Variants in TRAPPC9 observed in about 807,000 individuals in gnomAD.
The protein encoded by TRAPPC9 is IKK2 binding protein.
TRAPPC9 carries 83 observed loss-of-function variants against 124.0 expected under a neutral mutation model. The observed-to-expected ratio is 0.67, with a 90% CI of 0.56 to 0.80. The LOEUF is 0.80. Among genes scored for constraint, TRAPPC9 ranks in the 30% least tolerant of loss-of-function variants. TRAPPC9 has a pLI of 0.00. For missense variants in TRAPPC9, 1,302 were observed against 1,508.3 expected (o/e 0.86, Z 2.27); for synonymous variants, 638 against 617.5 (o/e 1.03, Z -0.49).
At chr8:140,153,131 A>G (rs1183146392) in intron 17 of TRAPPC9, among the ~76,000 whole-genome samples, 1 of 152,110 alleles carries the variant, frequency 6.6e-6, no homozygotes, top group Non-Finnish European at 1.5e-5. Context: ...CTGCAAATCC[A>G]TTCTCCCCAC....
At chr8:140,310,992 G>A (rs2066281515) in intron 10 of TRAPPC9, among the ~76,000 whole-genome samples, 2 of 152,064 alleles carry the variant, frequency 1.3e-5, no homozygotes, top group South Asian at 2.1e-4. Context: ...ACAAAGCAAG[G>A]CTGGGTGCAG....
chr8:140,000,463 A>G (rs1161564976), intron 18 of TRAPPC9, among the ~76,000 whole-genome samples: 1 of 152,254 alleles, frequency 6.6e-6, no homozygotes, highest in Admixed American at 6.5e-5. Flanking sequence ...GAATGGGAGA[A>G]AATTTTTGCA....
chr8:140,405,553 A>C, intron 6 of TRAPPC9, 24 bp downstream of exon 6: 1 of 1,613,846 alleles, frequency 6.2e-7, no homozygotes, highest in Non-Finnish European at 8.5e-7. Flanking sequence ...CTGTGTAAAA[A>C]AAATCACAAA....
chr8:140,027,007 T>C (rs985695332), intron 17 of TRAPPC9, among the ~76,000 whole-genome samples: 14 of 152,216 alleles, frequency 9.2e-5, no homozygotes, highest in African/African-American at 3.4e-4. Flanking sequence ...GTCTCAGACC[T>C]CTTACATTGC....
intron 5 of TRAPPC9, 119 bp downstream of exon 5, chr8:140,426,496 T>A: frequency 9.6e-6 from 10 of 1,044,578 alleles, no homozygotes; most frequent in African/African-American, 1.6e-5. Flanking sequence ...GATTTAAAGT[T>A]ACTTAAATCA....
intron 19 of TRAPPC9, among the ~76,000 whole-genome samples, chr8:139,950,469 C>A (rs1217231637): frequency 5.9e-5 from 9 of 152,144 alleles, no homozygotes; most frequent in Non-Finnish European, 2.9e-5. Flanking sequence ...AATGAGTAAA[C>A]CAGGGCTCAA....
chr8:140,327,852 A>G (rs2066780487), intron 9 of TRAPPC9, among the ~76,000 whole-genome samples: 1 of 152,250 alleles, frequency 6.6e-6, no homozygotes, highest in Non-Finnish European at 1.5e-5. Flanking sequence ...GTTGCATCAC[A>G]CTGTGAATGT....
rs61528944 is a variant in TRAPPC9, at chr8:139,945,543, CAAAAAAAAAAAAAAAAA to C, written c.2811-35260_2811-35244del. On this transcript the variant is annotated intron_variant, in intron 19 of 22. Coordinates refer to ENST00000438773, the MANE Select transcript of TRAPPC9 (RefSeq NM_001160372.4). ...TCTCCACAATTGACAGCACAATTAG[CAAAAAAAAAAAAAAAAA>C]AAAAAAAAAAAAACCAACAAAAAAC... Among the ~76,000 whole-genome samples the C allele has an allele frequency of 2.1e-4, 14 of 66,168 alleles. No individual in the cohort carries two copies. The South Asian group carries it at 2.5e-3, about 12-fold the overall frequency. The allele number at this position is 66,168 out of a possible 152,430, so 43.4% of individuals were successfully genotyped here.
rs112028743 is a variant in TRAPPC9 at position 140,373,343 on chromosome 8, C to T, written c.1135-2163G>A. Among the ~76,000 whole-genome samples the T allele has an allele frequency of 4.6e-3, 698 of 152,336 alleles. 8 individuals are homozygous for T. Among genetic ancestry groups the T allele is most frequent in the African/African-American group, 0.016 (656 of 41,566 alleles). On this transcript the variant is annotated intron_variant, in intron 7 of 22. Transcript: ENST00000438773. Reference sequence around the variant, plus strand: ...GTATGAGGCAGGCTGTACTAGGTGACGCCGCCGGGGCACACAGGCTCTCTG... The same window carrying T: ...GTATGAGGCAGGCTGTACTAGGTGATGCCGCCGGGGCACACAGGCTCTCTG...
intron 17 of TRAPPC9, among the ~76,000 whole-genome samples, chr8:140,049,548 C>G (rs1186122871): frequency 6.7e-6 from 1 of 149,446 alleles, no homozygotes; most frequent in African/African-American, 2.6e-5. Context: ...ACAGGGCTCC[C>G]CCCCCCGAGA....
intron 9 of TRAPPC9, among the ~76,000 whole-genome samples, chr8:140,318,566 A>G (rs191737152): frequency 2.2e-4 from 33 of 151,850 alleles, no homozygotes; most frequent in African/African-American, 7.7e-4. Flanking sequence ...CCACCATTCT[A>G]CTCTCTGCTT....
rs189306495 is a variant in TRAPPC9 at position 140,028,636 on chromosome 8, T to C, written c.2557-4557A>G. 9.2e-5 allele frequency among the ~76,000 whole-genome samples: 14 copies of C among 152,368 alleles called. 1 individual carries two copies. In the East Asian group the frequency reaches 2.7e-3, roughly 29 times the overall value. ...TTCATTCACCCATGCAATCATTCAC[T>C]CACTAACCCTGTCTACTATGTCCCA... On this transcript the variant is annotated intron_variant, in intron 17 of 22. Coordinates refer to ENST00000438773, the MANE Select transcript of TRAPPC9 (RefSeq NM_001160372.4).
chr8:139,863,242 G>A (rs969931333), intron 21 of TRAPPC9, among the ~76,000 whole-genome samples: 32 of 152,350 alleles, frequency 2.1e-4, no homozygotes, highest in East Asian at 9.6e-4. Flanking sequence ...CCCCACAGGC[G>A]CGGTCCCTGT....
At chr8:139,787,940 A>G (rs1476697945) in intron 21 of TRAPPC9, among the ~76,000 whole-genome samples, 3 of 152,162 alleles carry the variant, frequency 2.0e-5, no homozygotes, top group African/African-American at 7.2e-5. Flanking sequence ...GGGGCATGAA[A>G]GAGCTTTGCA....
At chr8:139,925,290 T>C (rs1832743153) in intron 19 of TRAPPC9, among the ~76,000 whole-genome samples, 1 of 152,186 alleles carries the variant, frequency 6.6e-6, no homozygotes. Flanking sequence ...ATCGCCTTTC[T>C]GCCCAGGAAA....
chr8:139,876,489 T>C (rs183642646), intron 21 of TRAPPC9, among the ~76,000 whole-genome samples: 264 of 152,330 alleles, frequency 1.7e-3, no homozygotes, highest in African/African-American at 6.1e-3. Flanking sequence ...CCGGGACATC[T>C]GCACAAGCTC....
At chr8:140,418,791 T>C (rs958993336) in intron 5 of TRAPPC9, among the ~76,000 whole-genome samples, 23 of 140,458 alleles carry the variant, frequency 1.6e-4, no homozygotes, top group Non-Finnish European at 3.0e-4. Context: ...GACAGACAGA[T>C]GCAAATATCC....
intron 17 of TRAPPC9, among the ~76,000 whole-genome samples, chr8:140,179,443 T>C (rs994570036): frequency 3.9e-5 from 6 of 152,136 alleles, no homozygotes; most frequent in African/African-American, 1.2e-4. Flanking sequence ...TAGTATACTC[T>C]GTATGTGATT....
chr8:140,254,571 G>C (rs971282019), intron 15 of TRAPPC9, among the ~76,000 whole-genome samples: 1 of 152,204 alleles, frequency 6.6e-6, no homozygotes, highest in Non-Finnish European at 1.5e-5. Context: ...CCAACACAGG[G>C]GACAGGAAGC....
Sources: allele counts gnomAD v4.1 joint callset (sites outside exome capture counted in the v4.1 genomes callset), GRCh38; gene constraint gnomAD v4.1.1; transcripts MANE v1.5; gene names NCBI Gene and HGNC (gene_info 2026-07-23, HGNC 2026-07-21).